PCDHA9: variants seen among roughly 807,000 people sequenced by gnomAD.
PCDHA9 encodes protocadherin alpha-9.
A neutral mutation model predicts 62.0 loss-of-function variants in PCDHA9; 62 were observed. The ratio of observed to expected loss-of-function variants is 1.00; its 90% CI spans 0.81 to 1.23. PCDHA9 has a LOEUF of 1.23. Among genes scored for constraint, PCDHA9 ranks in the 50% most tolerant of loss-of-function variants. The pLI, the probability that PCDHA9 is intolerant of heterozygous loss-of-function variation, is 0.00. For missense variants in PCDHA9, 1,205 were observed against 1,249.8 expected (o/e 0.96, Z 0.54); for synonymous variants, 557 against 567.6 (o/e 0.98, Z 0.27).
chr5:140,938,268 T>C (rs2091998417), intron 1 of PCDHA9, among the ~76,000 whole-genome samples: 1 of 152,190 alleles, frequency 6.6e-6, no homozygotes, highest in Non-Finnish European at 1.5e-5. Context: ...TCTAATCACA[T>C]AGTTTTCTTG....
At position 141,010,329 on chromosome 5, in the gene PCDHA9, GTTTGTGGCCACTGGGTA is replaced by G. The variant is rs1554262887; in HGVS notation, c.*394_*410del. The G allele has an allele frequency of 1.9e-6, 3 of 1,538,554 alleles. No individual in the cohort carries two copies. The East Asian group carries it at 7.3e-5, about 38-fold the overall frequency. ...AGTTTTGAGATTGAGCAGCTTGGGA[GTTTGTGGCCACTGGGTA>G]TGTGTGGCTACCGCGGGTATGCGAG... On this transcript the variant is annotated 3_prime_UTR_variant, in exon 4 of 4. Coordinates refer to ENST00000532602, the MANE Select transcript of PCDHA9 (RefSeq NM_031857.2).
At chr5:141,007,328 A>G (rs1018961755) in intron 3 of PCDHA9, among the ~76,000 whole-genome samples, 1 of 149,092 alleles carries the variant, frequency 6.7e-6, no homozygotes, top group African/African-American at 2.5e-5. Context: ...AAGTGGACAG[A>G]TTGCCTGAGC....
intron 1 of PCDHA9, chr5:140,882,358 G>T (rs1554173779): frequency 3.7e-6 from 6 of 1,614,232 alleles, no homozygotes; most frequent in Middle Eastern, 1.7e-4. Flanking sequence ...GTAGTGGCCA[G>T]CTCCACTACT....
chr5:140,920,841 TAA>T (rs781921146), intron 1 of PCDHA9, among the ~76,000 whole-genome samples: 15 of 109,130 alleles, frequency 1.4e-4, no homozygotes, highest in Admixed American at 1.9e-4. Flanking sequence ...AGACCAAATC[TAA>T]AAAAAAAAAA....
chr5:140,920,728 C>T (rs781955762), intron 1 of PCDHA9, among the ~76,000 whole-genome samples: 8 of 151,974 alleles, frequency 5.3e-5, no homozygotes, highest in Non-Finnish European at 1.0e-4. Context: ...CCTGCAGTCC[C>T]AGCTACTCAG....
At chr5:140,919,498 C>A (rs1433099544) in intron 1 of PCDHA9, among the ~76,000 whole-genome samples, 1 of 152,022 alleles carries the variant, frequency 6.6e-6, no homozygotes, top group Non-Finnish European at 1.5e-5. Context: ...TTATTTTACT[C>A]CTTTTTCTAT....
At chr5:141,004,258 A>C (rs1164603441) in intron 3 of PCDHA9, among the ~76,000 whole-genome samples, 1 of 152,232 alleles carries the variant, frequency 6.6e-6, no homozygotes, top group Non-Finnish European at 1.5e-5. Flanking sequence ...TTTTACTGGA[A>C]TGAGTCACAG....
intron 1 of PCDHA9, chr5:140,856,456 A>T: frequency 6.3e-7 from 1 of 1,598,478 alleles, no homozygotes; most frequent in Non-Finnish European, 8.6e-7. Flanking sequence ...CCGTAACAGA[A>T]CAAAAGCTCT....
chr5:140,995,383 G>A (rs909887279), intron 3 of PCDHA9, among the ~76,000 whole-genome samples: 2 of 152,158 alleles, frequency 1.3e-5, no homozygotes, highest in African/African-American at 4.8e-5. Flanking sequence ...TACTGGGCAG[G>A]ATAAAGCGGG....
chr5:140,848,724 G>T lies in PCDHA9; in HGVS notation c.229G>T (p.Val77Leu). ...DSKGRGDLLE[V>L]NLQNGILFVN... ...CAAAGGCCGCGGGGACCTTCTGGAG[G>T]TAAATCTGCAGAATGGCATTTTGTT... Residue 77 changes from valine (V) to leucine (L), a missense_variant, in exon 1 of 4, where the codon GTA becomes TTA. Physicochemically the swap from Val to Leu is conservative, Grantham distance 32. Transcript: ENST00000532602. 5 of 1,592,662 alleles carry T rather than the reference G, an allele frequency of 3.1e-6. No homozygotes were observed. Among genetic ancestry groups the T allele is most frequent in the Non-Finnish European group, 4.3e-6 (5 of 1,163,420 alleles).
rs1209791227 is a variant in PCDHA9, at chr5:140,923,921, C to A, written c.2395-55028C>A. Among the ~76,000 whole-genome samples, 3 of 152,180 alleles carry A rather than the reference C, an allele frequency of 2.0e-5. No individual in the cohort carries two copies. The East Asian group carries it at 5.8e-4, about 29-fold the overall frequency. On this transcript the variant is annotated intron_variant, in intron 1 of 3. Transcript: ENST00000532602. ...TTCTGTGAAGATTTCCCATACTGTT[C>A]TCTGTATGCATTTTTCCTTTTTTCC...
At position 140,850,659 on chromosome 5, in the gene PCDHA9, C is replaced by T. The variant is rs2150492526; in HGVS notation, c.2164C>T (p.Arg722Trp). Residue 722 changes from arginine to tryptophan, a missense_variant, in exon 1 of 4, where the codon CGG becomes TGG. Around this residue, in one of 3 missense-constraint regions of PCDHA9, gnomAD observed 887 missense variants for 809.5 expected, o/e 1.10. Coordinates refer to ENST00000532602, the MANE Select transcript of PCDHA9 (RefSeq NM_031857.2). ...CACGCTGCTGCTGTACACTGTGCTG[C>T]GGTGCTCGGCGATGCCCACCGAGGG... is the stretch of plus-strand genomic sequence containing the variant. ...VLTLLLYTVL[R>W]CSAMPTEGEC... 2.2e-5 allele frequency: 35 copies of T among 1,598,248 alleles called. No homozygotes were observed. The South Asian group carries it at 3.1e-4, about 14-fold the overall frequency.
intron 1 of PCDHA9, chr5:140,867,147 C>T (rs1554160998): frequency 6.6e-6 from 1 of 152,068 alleles, no homozygotes; most frequent in East Asian, 1.9e-4. Flanking sequence ...TATCATTTTT[C>T]CAGAGTAAAC....
At chr5:140,920,611 C>T (rs919244668) in intron 1 of PCDHA9, among the ~76,000 whole-genome samples, 4 of 152,068 alleles carry the variant, frequency 2.6e-5, no homozygotes, top group Non-Finnish European at 5.9e-5. Flanking sequence ...TTTGGGAGGC[C>T]GAGGCGGATG....
At chr5:140,872,215 A>T (rs931630004) in intron 1 of PCDHA9, among the ~76,000 whole-genome samples, 2 of 152,188 alleles carry the variant, frequency 1.3e-5, no homozygotes, top group Non-Finnish European at 2.9e-5. Flanking sequence ...ATTATATATG[A>T]AACAATCTTT....
At chr5:140,867,473 G>A (rs2049977371) in intron 1 of PCDHA9, 1 of 151,968 alleles carries the variant, frequency 6.6e-6, no homozygotes, top group Non-Finnish European at 1.5e-5. Flanking sequence ...ACAACATTGG[G>A]AAAAGAGTAA....
In PCDHA9 at chr5:140,958,926, C is replaced by T. The variant is rs2095452227; in HGVS notation, c.2395-20023C>T. Among the ~76,000 whole-genome samples the T allele has an allele frequency of 2.1e-5, 3 of 143,506 alleles. No individual in the cohort carries two copies. The Admixed American group carries it at 2.1e-4, about 10-fold the overall frequency. The allele number at this position is 143,506 out of a possible 152,430, so 94.1% of individuals were successfully genotyped here. A position where few individuals can be genotyped will look rare whatever the true frequency, so the allele number is the denominator to read the frequency against. Reference sequence around the variant, plus strand: ...AGAAAAGTCTGCCTGGGTGTGGTGGCTCATACTTGTAATAATATTATATTA... The same window carrying T: ...AGAAAAGTCTGCCTGGGTGTGGTGGTTCATACTTGTAATAATATTATATTA... On this transcript the variant is annotated intron_variant, in intron 1 of 3. Transcript: ENST00000532602.
chr5:140,887,781 T>C (rs2061576427), intron 1 of PCDHA9, among the ~76,000 whole-genome samples: 2 of 152,338 alleles, frequency 1.3e-5, no homozygotes, highest in African/African-American at 4.8e-5. Flanking sequence ...ACACAGGTCA[T>C]TGAAGCGTTC....
At chr5:140,910,067 G>C (rs868941459) in intron 1 of PCDHA9, among the ~76,000 whole-genome samples, 1 of 152,194 alleles carries the variant, frequency 6.6e-6, no homozygotes, top group Non-Finnish European at 1.5e-5. Flanking sequence ...TTTTAACAGC[G>C]TAAATTGTTG....
Sources: gnomAD v4.1 joint callset for allele counts (sites outside exome capture counted in the v4.1 genomes callset) on GRCh38, gnomAD v4.1.1 for gene constraint, gnomAD v4.1.1 regional missense constraint, MANE v1.5 for transcripts, NCBI Gene and HGNC (gene_info 2026-07-23, HGNC 2026-07-21) for gene names.